CNTN3: variants seen among roughly 807,000 people sequenced by gnomAD.
CNTN3 encodes contactin-3.
CNTN3 carries 60 observed loss-of-function variants against 119.1 expected under a neutral mutation model. The observed-to-expected ratio is 0.50, with a 90% CI of 0.41 to 0.62. CNTN3 has a LOEUF of 0.62. CNTN3 is among the 20% of genes least tolerant of loss of function. The probability of loss-of-function intolerance (pLI) is 0.00; values close to 1 mark genes in which losing one functional copy is unlikely to be tolerated. For synonymous variants in CNTN3, 450 were observed against 438.7 expected, an observed-to-expected ratio of 1.03 and a Z score of -0.32; for missense variants, 1,101 against 1,242.4, an observed-to-expected ratio of 0.89 and a Z score of 1.71.
intron 5 of CNTN3, among the ~76,000 whole-genome samples, chr3:74,396,746 GA>G (rs61397069): frequency 0.35 from 34,267 of 98,046 alleles, 4,912 homozygotes; most frequent in East Asian, 0.59. Context: ...TTCCGCCTCA[GA>G]AAAAAAAAAA....
intron 4 of CNTN3, among the ~76,000 whole-genome samples, chr3:74,452,711 A>G (rs1193276047): frequency 7.2e-6 from 1 of 138,892 alleles, no homozygotes; most frequent in East Asian, 2.1e-4. Flanking sequence ...ATTTATTGAG[A>G]GTTTTTAGCA....
chr3:74,399,991 G>T (rs1424467104), intron 5 of CNTN3, among the ~76,000 whole-genome samples: 1 of 152,176 alleles, frequency 6.6e-6, no homozygotes, highest in Non-Finnish European at 1.5e-5. Context: ...CACAGAGTAA[G>T]TGTAAAGTAA....
intron 11 of CNTN3, among the ~76,000 whole-genome samples, chr3:74,341,754 G>A (rs1703553749): frequency 6.6e-6 from 1 of 152,052 alleles, no homozygotes. Flanking sequence ...AGACAACATT[G>A]ACCTGTACTT....
rs114256775 is a variant in CNTN3, at chr3:74,285,881, A to G, written c.2518-390T>C. Among the ~76,000 whole-genome samples the G allele has an allele frequency of 6.4e-3, 909 of 141,414 alleles. 4 individuals are homozygous for G. The highest frequency in any genetic ancestry group is 0.022 in the African/African-American group (876 of 39,418). 92.8% of individuals were successfully genotyped at this position (141,414 alleles called of 152,430 possible). On this transcript the variant is annotated intron_variant, in intron 19 of 22. Transcript: ENST00000263665. Reference sequence around the variant, plus strand: ...CAAAGTGTTACCATTAATATTGCCAATTTTCTGTAAGTATTGCTGTGTTCT... The same window carrying G: ...CAAAGTGTTACCATTAATATTGCCAGTTTTCTGTAAGTATTGCTGTGTTCT...
chr3:74,561,180 A>T (rs902990878), intron 1 of CNTN3, among the ~76,000 whole-genome samples: 7 of 151,396 alleles, frequency 4.6e-5, no homozygotes, highest in Non-Finnish European at 7.4e-5. Flanking sequence ...CATAATAAAA[A>T]AAAAATAAAA....
At chr3:74,554,087 T>C (rs891727960) in intron 1 of CNTN3, among the ~76,000 whole-genome samples, 22 of 152,172 alleles carry the variant, frequency 1.4e-4, no homozygotes, top group Admixed American at 1.3e-4. Flanking sequence ...CTTGAGTTGA[T>C]TTTTGTATAA....
intron 19 of CNTN3, among the ~76,000 whole-genome samples, chr3:74,293,624 G>A (rs1284894086): frequency 6.6e-6 from 1 of 152,088 alleles, no homozygotes. Context: ...ACAGGCATGT[G>A]TCACCATGCC....
chr3:74,472,966 T>C (rs1399936156), intron 4 of CNTN3, among the ~76,000 whole-genome samples: 2 of 152,156 alleles, frequency 1.3e-5, no homozygotes, highest in African/African-American at 4.8e-5. Flanking sequence ...CCAGCCACTC[T>C]GGGATTCATC....
intron 4 of CNTN3, among the ~76,000 whole-genome samples, chr3:74,464,520 A>G (rs1702427067): frequency 6.6e-6 from 1 of 152,194 alleles, no homozygotes. Flanking sequence ...TTACAGCTTA[A>G]AATCCAGCTG....
At chr3:74,423,514 C>T (rs1387739342) in intron 5 of CNTN3, among the ~76,000 whole-genome samples, 2 of 152,076 alleles carry the variant, frequency 1.3e-5, no homozygotes, top group Admixed American at 6.6e-5. Context: ...CACCCCGTGG[C>T]GAGGCAGCAC....
chr3:74,509,251 A>C (rs6780950), intron 2 of CNTN3, among the ~76,000 whole-genome samples: 103,407 of 151,428 alleles, frequency 0.68, 36,277 homozygotes, highest in Middle Eastern at 0.76. Context: ...GCATTTGCTA[A>C]ATCACCTAAT....
At chr3:74,423,912 C>T (rs1205798352) in intron 5 of CNTN3, among the ~76,000 whole-genome samples, 2 of 152,122 alleles carry the variant, frequency 1.3e-5, no homozygotes, top group Non-Finnish European at 2.9e-5. Flanking sequence ...AAACTGACAA[C>T]TCTTTGGGTG....
chr3:74,514,028 A>T (rs1254748878), intron 2 of CNTN3, among the ~76,000 whole-genome samples: 1 of 152,000 alleles, frequency 6.6e-6, no homozygotes, highest in Non-Finnish European at 1.5e-5. Flanking sequence ...ATAAATATCA[A>T]CAATGTAGTA....
intron 4 of CNTN3, among the ~76,000 whole-genome samples, chr3:74,450,663 T>G (rs1458254076): frequency 5.6e-5 from 3 of 53,972 alleles, no homozygotes; most frequent in Non-Finnish European, 1.1e-4. Context: ...CCCTCCCCCC[T>G]CCCCCCACCC....
At chr3:74,286,399 A>T (rs1033102479) in intron 19 of CNTN3, among the ~76,000 whole-genome samples, 33 of 152,178 alleles carry the variant, frequency 2.2e-4, no homozygotes, top group African/African-American at 6.5e-4. Context: ...CAGAAGATTT[A>T]AAAAAAATCA....
chr3:74,323,850 C>A (rs1317572338), intron 13 of CNTN3, among the ~76,000 whole-genome samples: 1 of 152,064 alleles, frequency 6.6e-6, no homozygotes, highest in Non-Finnish European at 1.5e-5. Context: ...TTCCACCAGT[C>A]AACATCAGCG....
intron 4 of CNTN3, among the ~76,000 whole-genome samples, chr3:74,475,106 C>G (rs1300524925): frequency 2.0e-5 from 3 of 152,138 alleles, no homozygotes; most frequent in Non-Finnish European, 2.9e-5. Flanking sequence ...TGAGAACAGA[C>G]TAATACATGT....
intron 20 of CNTN3, among the ~76,000 whole-genome samples, chr3:74,283,248 T>A (rs547006556): frequency 6.6e-6 from 1 of 152,262 alleles, no homozygotes; most frequent in South Asian, 2.1e-4. Context: ...ATAACCTCCA[T>A]ATGCCTCAGC....
rs1302702975 is a variant in CNTN3 at position 74,295,196 on chromosome 3, T to C, written c.2442A>G (p.Leu814=). 11 of 1,613,292 alleles carry C rather than the reference T, an allele frequency of 6.8e-6. No homozygotes were observed. Among genetic ancestry groups the C allele is most frequent in the Admixed American group, 1.7e-5 (1 of 59,992 alleles). The change falls in exon 19 of 23, where the codon CTA becomes CTG. Residue 814 remains leucine, a synonymous_variant. Coordinates refer to ENST00000263665, the MANE Select transcript of CNTN3 (RefSeq NM_020872.3). ...ATGAAACCTCAATTTCTGAGGAAGA[T>C]AGGCTATTTGCAGAGACTTGAGATG... ...VAPSQVSANS[L]SSSEIEVSWN...
Sources: allele counts gnomAD v4.1 joint callset (sites outside exome capture counted in the v4.1 genomes callset), GRCh38; gene constraint gnomAD v4.1.1; transcripts MANE v1.5; gene names NCBI Gene and HGNC (gene_info 2026-07-23, HGNC 2026-07-21).